The following DDX17 variants were observed in gnomAD, a reference collection of about 807,000 sequenced individuals.
DDX17 encodes the protein DEAD-box helicase 17, also known as probable ATP-dependent RNA helicase DDX17.
A neutral mutation model predicts 80.8 loss-of-function variants in DDX17; 10 were observed. That is an observed-to-expected ratio of 0.12 (90% CI 0.08 to 0.21). The LOEUF (loss-of-function observed/expected upper bound fraction) is 0.21. Among genes scored for constraint, DDX17 ranks in the 10% least tolerant of loss-of-function variants. The pLI, the probability that DDX17 is intolerant of heterozygous loss-of-function variation, is 1.00. For synonymous variants in DDX17, 339 were observed against 336.2 expected (o/e 1.01, Z -0.09); for missense variants, 586 against 957.4 (o/e 0.61, Z 5.12).
Position 38,489,918 on chromosome 22 carries a change from T to C in DDX17, c.1448-1803A>G. The C allele has an allele frequency of 1.1e-5, 11 of 993,590 alleles. No individual in the cohort carries two copies. Among genetic ancestry groups the C allele is most frequent in the Non-Finnish European group, 1.3e-5 (11 of 834,596 alleles). 61.5% of individuals were successfully genotyped at this position (993,590 alleles called of 1,614,324 possible). On this transcript the variant is annotated intron_variant, in intron 11 of 12. Transcript: ENST00000403230. This position sits in a 1 kb window ranked among gnomAD's most constrained non-coding sequence, Gnocchi z 4.6. ...GCTCCTTATGCAATCCCACTGCATA[T>C]GACCATGGCAGTAGAACAAGTTCAA...
chr22:38,489,919 G>A lies in DDX17; in HGVS notation c.1448-1804C>T, dbSNP rs1220757880. 5 of 995,758 alleles carry A rather than the reference G, an allele frequency of 5.0e-6. No homozygotes were observed. The highest frequency in any genetic ancestry group is 6.0e-6 in the Non-Finnish European group (5 of 835,816). 61.7% of individuals were successfully genotyped at this position (995,758 alleles called of 1,614,324 possible). A position where few individuals can be genotyped will look rare whatever the true frequency, so the allele number is the denominator to read the frequency against. On this transcript the variant is annotated intron_variant, in intron 11 of 12. Transcript: ENST00000403230. This position sits in a 1 kb window ranked among gnomAD's most constrained non-coding sequence, Gnocchi z 4.6. The stretch of plus-strand genomic sequence containing the variant: ...CTCCTTATGCAATCCCACTGCATAT[G>A]ACCATGGCAGTAGAACAAGTTCAAT...
In DDX17 at chr22:38,505,939, C is replaced by T. The variant is rs754329669; in HGVS notation, c.287+12G>A. On this transcript the variant is annotated intron_variant, in intron 1 of 12. Coordinates refer to ENST00000403230, the MANE Select transcript of DDX17 (RefSeq NM_006386.5). The stretch of plus-strand genomic sequence containing the variant: ...CCCACGCCAGGCCTCTCCTCTCCTC[C>T]CCCACCCTTACCCTCCACGGTCACG... 1.3e-6 allele frequency: 2 copies of T among 1,562,258 alleles called. No homozygotes were observed. The highest frequency in any genetic ancestry group is 1.7e-6 in the Non-Finnish European group (2 of 1,153,682).
Position 38,485,783 on chromosome 22 carries a change from G to GA in DDX17, c.*151dup. 8.7e-7 allele frequency: 1 copy of GA among 1,154,878 alleles called. No homozygotes were observed. Among genetic ancestry groups the GA allele is most frequent in the Non-Finnish European group, 1.1e-6 (1 of 894,312 alleles). 71.5% of individuals were successfully genotyped at this position (1,154,878 alleles called of 1,614,324 possible). The stretch of plus-strand genomic sequence containing the variant: ...GCAGTGAATTCTAACTAATCTGCAT[G>GA]AAAAGACAAATCACGATGGTTGGGG... On this transcript the variant is annotated 3_prime_UTR_variant, in exon 13 of 13. Transcript: ENST00000403230.
At chr22:38,495,246 ATTTTTTT>A (rs138442) in intron 6 of DDX17, among the ~76,000 whole-genome samples, 200 bp from the exon 7 acceptor site, 2 of 130,646 alleles carry the variant, frequency 1.5e-5, no homozygotes, top group Non-Finnish European at 3.2e-5. Context: ...CAGAGAAGCT[ATTTTTTT>A]TTTTTTTTTT....
At chr22:38,498,349 G>A (rs1602681216) in intron 4 of DDX17, 91 bp downstream of exon 4, 1 of 1,543,834 alleles carries the variant, frequency 6.5e-7, no homozygotes, top group Non-Finnish European at 8.8e-7. Context: ...CTATCTGAAT[G>A]GCACTTCTAC....
At chr22:38,490,490 G>T in intron 11 of DDX17, 2 of 1,260,448 alleles carry the variant, frequency 1.6e-6, no homozygotes, top group Non-Finnish European at 2.1e-6. Flanking sequence ...ACAGTGTGTA[G>T]TTCAAACAAA....
At chr22:38,501,922 T>C (rs982160570) in intron 1 of DDX17, among the ~76,000 whole-genome samples, 1 of 152,146 alleles carries the variant, frequency 6.6e-6, no homozygotes, top group African/African-American at 2.4e-5. Context: ...TTAAGTTAAG[T>C]TTCAATTAAA....
At chr22:38,505,591 G>GC (rs532146672) in intron 1 of DDX17, 2 of 239,454 alleles carry the variant, frequency 8.4e-6, no homozygotes, top group South Asian at 1.2e-4. Flanking sequence ...ACATCGAACA[G>GC]CCCGCCCGAA....
intron 10 of DDX17, 105 bp downstream of exon 10, chr22:38,493,605 T>C (rs1403773428): frequency 8.0e-6 from 7 of 871,582 alleles, no homozygotes; most frequent in South Asian, 1.5e-5. Context: ...ATACTTACTA[T>C]GTGGCCCTTT....
intron 1 of DDX17, among the ~76,000 whole-genome samples, chr22:38,502,276 G>A (rs577284030): frequency 3.9e-5 from 6 of 152,204 alleles, no homozygotes; most frequent in Admixed American, 3.3e-4. Flanking sequence ...AGCCAGGCGT[G>A]GTGGTGCACG....
chr22:38,492,047 T>C lies in DDX17; in HGVS notation c.1447+9A>G, dbSNP rs1366217727. ...TATACCATTGACAGAGACACCTATCTATACAAACCTAGCCCACGGGAGGCT... is the reference window on the plus strand; with the variant it reads ...TATACCATTGACAGAGACACCTATCCATACAAACCTAGCCCACGGGAGGCT... On this transcript the variant is annotated intron_variant, in intron 11 of 12. Transcript: ENST00000403230. 1.3e-6 allele frequency: 2 copies of C among 1,597,582 alleles called. No homozygotes were observed. Among genetic ancestry groups the C allele is most frequent in the Non-Finnish European group, 1.7e-6 (2 of 1,170,420 alleles).
chr22:38,487,662 A>AC (rs2089673794), intron 12 of DDX17, among the ~76,000 whole-genome samples: 1 of 152,174 alleles, frequency 6.6e-6, no homozygotes, highest in Non-Finnish European at 1.5e-5. Flanking sequence ...CCAGTCTCTA[A>AC]GAAAAAAAAA....
In DDX17 at chr22:38,486,137, C is replaced by T; in HGVS notation, c.1988G>A (p.Ser663Asn). The T allele has an allele frequency of 6.2e-7, 1 of 1,614,224 alleles. No homozygotes were observed. Among genetic ancestry groups the T allele is most frequent in the Non-Finnish European group, 8.5e-7 (1 of 1,180,042 alleles). The change falls in exon 13 of 13, where the codon AGT becomes AAT. Residue 663 changes from serine to asparagine, a missense_variant. This residue lies in a region of DDX17 where 221 missense variants were observed against 261.4 expected (regional missense o/e 0.85). Coordinates refer to ENST00000403230, the MANE Select transcript of DDX17 (RefSeq NM_006386.5). The stretch of plus-strand genomic sequence containing the variant: ...ACTTCTCCCAGTTGAGGTGGTGCTA[C>T]TAGCTCCATAAGTGCCAGCACCATA...
intron 1 of DDX17, chr22:38,505,155 C>G (rs1488450631): frequency 6.6e-6 from 1 of 152,222 alleles, no homozygotes; most frequent in Non-Finnish European, 1.5e-5. Context: ...GTGATCCGCC[C>G]GCCTCGGCCT....
At chr22:38,497,495 T>G (rs534199138) in intron 5 of DDX17, among the ~76,000 whole-genome samples, 2 of 147,828 alleles carry the variant, frequency 1.4e-5, no homozygotes, top group Non-Finnish European at 3.0e-5. Context: ...GTGCACGCCT[T>G]TAATCCCAGC....
At chr22:38,496,904 T>A (rs1022724697) in intron 5 of DDX17, among the ~76,000 whole-genome samples, 2 of 152,226 alleles carry the variant, frequency 1.3e-5, no homozygotes, top group African/African-American at 4.8e-5. Flanking sequence ...GTCAGACATA[T>A]ACTATGTATT....
Position 38,506,150 on chromosome 22 carries a change from C to G in DDX17, c.88G>C (p.Asp30His). The change falls in exon 1 of 13, where the codon GAC becomes CAC. Residue 30 changes from aspartate (D) to histidine (H), a missense_variant. Coordinates refer to ENST00000403230, the MANE Select transcript of DDX17 (RefSeq NM_006386.5). ...GCGCTCTCTCGCTCCGACGCGCTGT[C>G]TCCCGTCGCAGACGCCACCGTCGCC... The G allele has an allele frequency of 1.9e-6, 3 of 1,586,074 alleles. No homozygotes were observed. The highest frequency in any genetic ancestry group is 2.3e-5 in the South Asian group (2 of 87,686).
intron 3 of DDX17, 56 bp downstream of exon 3, chr22:38,499,342 CTT>C (rs1223989902): frequency 1.5e-6 from 2 of 1,341,164 alleles, no homozygotes; most frequent in African/African-American, 2.9e-5. Flanking sequence ...ACCTACTACC[CTT>C]GTCTCCCATT....
Position 38,499,507 on chromosome 22 carries a change from A to G in DDX17, c.439-8T>C. 1 of 1,583,540 alleles carries G rather than the reference A, an allele frequency of 6.3e-7. No homozygotes were observed. Among genetic ancestry groups the G allele is most frequent in the South Asian group, 1.1e-5 (1 of 90,048 alleles). On this transcript the variant is annotated splice_polypyrimidine_tract_variant and splice_region_variant and intron_variant, in intron 2 of 12. Coordinates refer to ENST00000403230, the MANE Select transcript of DDX17 (RefSeq NM_006386.5). ...TAGCTCATCAACCTCATACTATTGA[A>G]AAAAAATGAAAGAAGTTAGTAAACT... is the stretch of plus-strand genomic sequence containing the variant.
Sources: allele counts gnomAD v4.1 joint callset (sites outside exome capture counted in the v4.1 genomes callset), GRCh38; gene constraint gnomAD v4.1.1; regional missense constraint gnomAD v4.1.1; non-coding constraint Gnocchi (gnomAD v3.1); transcripts MANE v1.5; gene names NCBI Gene and HGNC (gene_info 2026-07-23, HGNC 2026-07-21).